Variants in INPP5F observed in about 807,000 individuals in gnomAD.
The protein encoded by INPP5F is phosphatidylinositide 4-phosphatase SAC2.
Under a neutral mutation model 137.2 loss-of-function variants are expected in INPP5F, and 97 were observed. That is an observed-to-expected ratio of 0.71 (90% CI 0.60 to 0.84). The LOEUF (loss-of-function observed/expected upper bound fraction) is 0.84. Ranked by LOEUF, INPP5F falls within the 40% of genes least tolerant of loss-of-function variation. The pLI is 0.00. For missense variants in INPP5F, 1,271 were observed against 1,371.9 expected, an observed-to-expected ratio of 0.93 and a Z score of 1.16; for synonymous variants, 504 against 476.9, an observed-to-expected ratio of 1.06 and a Z score of -0.74.
rs1850403320 is a variant in INPP5F at position 119,796,865 on chromosome 10, C to T, written c.820C>T (p.Pro274Ser). 6.2e-7 allele frequency: 1 copy of T among 1,613,948 alleles called. No individual in the cohort carries two copies. The highest frequency in any genetic ancestry group is 8.5e-7 in the Non-Finnish European group (1 of 1,180,034). The change falls in exon 7 of 20, where the codon CCA (proline) becomes TCA (serine). Residue 274 changes from proline to serine, a missense_variant. Pro to Ser is a moderately conservative substitution (Grantham distance 74, BLOSUM62 -1). This residue lies in a region of INPP5F where 593 missense variants were observed against 712.4 expected (regional missense o/e 0.83). Transcript: ENST00000650623. Reference protein sequence around the residue: ...QESTCVDDIHPRFLVALISRR... With the variant: ...QESTCVDDIHSRFLVALISRR... The stretch of plus-strand genomic sequence containing the variant: ...GTCCACCTGTGTAGATGATATTCAC[C>T]CACGATTTCTAGTGGCTCTCATTTC...
chr10:119,786,546 A>G (rs1266140376), intron 3 of INPP5F, among the ~76,000 whole-genome samples: 1 of 152,338 alleles, frequency 6.6e-6, no homozygotes, highest in East Asian at 1.9e-4. Flanking sequence ...GTTTGCATTT[A>G]TAGTAATCTC....
At chr10:119,801,205 A>G (rs1328258443) in intron 9 of INPP5F, among the ~76,000 whole-genome samples, 2 of 152,238 alleles carry the variant, frequency 1.3e-5, no homozygotes, top group Non-Finnish European at 2.9e-5. Flanking sequence ...ATCCACGTGT[A>G]CTAATGGGAA....
intron 2 of INPP5F, among the ~76,000 whole-genome samples, 193 bp downstream of exon 2, chr10:119,751,349 C>G (rs1848684993): frequency 6.6e-6 from 1 of 152,058 alleles, no homozygotes; most frequent in African/African-American, 2.4e-5. Flanking sequence ...GGAGGAAAGA[C>G]AGGTATCAAA....
rs770635209 is a variant in INPP5F, at chr10:119,751,102, C to G, written c.124C>G (p.Pro42Ala). Residue 42 changes from proline to alanine, a missense_variant, in exon 2 of 20, where the codon CCC (proline) becomes GCC (alanine). Around this residue, in one of 6 missense-constraint regions of INPP5F, gnomAD observed 109 missense variants for 105.1 expected, o/e 1.04. Transcript: ENST00000650623. ...PATDLLLAWNPICLGLVEGVI... is the reference protein window; with the variant it reads ...PATDLLLAWNAICLGLVEGVI... Reference sequence around the variant, plus strand: ...TACTGATCTACTTCTTGCCTGGAATCCCATTTGTTTGGGGTTGGTAGAAGG... The same window carrying G: ...TACTGATCTACTTCTTGCCTGGAATGCCATTTGTTTGGGGTTGGTAGAAGG... 1 of 1,611,026 alleles carries G rather than the reference C, an allele frequency of 6.2e-7. No individual in the cohort carries two copies. Among genetic ancestry groups the G allele is most frequent in the Admixed American group, 1.7e-5 (1 of 60,010 alleles).
intron 9 of INPP5F, among the ~76,000 whole-genome samples, chr10:119,800,294 G>A (rs530746951): frequency 2.0e-5 from 3 of 151,724 alleles, no homozygotes; most frequent in South Asian, 2.1e-4. Context: ...GGTGGCTCAC[G>A]CCTGTAATCC....
intron 2 of INPP5F, among the ~76,000 whole-genome samples, chr10:119,752,043 A>G (rs992120440): frequency 7.9e-5 from 12 of 152,342 alleles, no homozygotes; most frequent in Admixed American, 5.9e-4. Flanking sequence ...AATTGTGAGT[A>G]TATATCTTTA....
In INPP5F at chr10:119,820,929, A is replaced by T; in HGVS notation, c.1958+12A>T. 6.4e-7 allele frequency: 1 copy of T among 1,551,856 alleles called. No individual in the cohort carries two copies. Among genetic ancestry groups the T allele is most frequent in the Non-Finnish European group, 8.9e-7 (1 of 1,124,218 alleles). Reference sequence around the variant, plus strand: ...TACTACGTGGCCTAGTAAGTTGCTTATTGATTTAAAGGTTTTGATTTTGTT... The same window carrying T: ...TACTACGTGGCCTAGTAAGTTGCTTTTTGATTTAAAGGTTTTGATTTTGTT... On this transcript the variant is annotated intron_variant, in intron 16 of 19. Transcript: ENST00000650623.
intron 2 of INPP5F, among the ~76,000 whole-genome samples, chr10:119,776,899 T>C (rs1056397473): frequency 6.6e-6 from 1 of 152,066 alleles, no homozygotes; most frequent in East Asian, 1.9e-4. Context: ...TACAGGCATG[T>C]ACCACCATGC....
rs1224891011 is a variant in INPP5F, at chr10:119,726,237, C to T, written c.-26C>T. The stretch of plus-strand genomic sequence containing the variant: ...GCCCCGTGCGCCGCCCGCGGGCCGC[C>T]GCCTCCCTGGGCGCGCGGGGCCAGC... On this transcript the variant is annotated 5_prime_UTR_variant, in exon 1 of 20. Transcript: ENST00000650623. The T allele has an allele frequency of 5.6e-6, 8 of 1,417,760 alleles. No individual in the cohort carries two copies. The South Asian group carries it at 7.0e-5, about 12-fold the overall frequency. The allele number at this position is 1,417,760 out of a possible 1,614,324, so 87.8% of individuals were successfully genotyped here. A position where few individuals can be genotyped will look rare whatever the true frequency, so the allele number is the denominator to read the frequency against.
At chr10:119,741,350 C>T (rs73355811) in intron 1 of INPP5F, among the ~76,000 whole-genome samples, 1,906 of 152,196 alleles carry the variant, frequency 0.013, 36 homozygotes, top group African/African-American at 0.044. Flanking sequence ...CCTGTTGTCC[C>T]GCTGAGTGGG....
At chr10:119,745,739 CTG>C (rs910363598) in intron 1 of INPP5F, among the ~76,000 whole-genome samples, 2 of 127,560 alleles carry the variant, frequency 1.6e-5, no homozygotes, top group African/African-American at 6.0e-5. Flanking sequence ...AAGCCTCACT[CTG>C]TTAGCCAGGC....
intron 2 of INPP5F, among the ~76,000 whole-genome samples, chr10:119,769,254 G>GGCAA (rs1849265534): frequency 6.6e-6 from 1 of 152,072 alleles, no homozygotes; most frequent in Non-Finnish European, 1.5e-5. Context: ...ACCCCTTAGA[G>GGCAA]GCAAGGTCAT....
chr10:119,813,433 G>A (rs1851124834), intron 15 of INPP5F, among the ~76,000 whole-genome samples: 1 of 152,050 alleles, frequency 6.6e-6, no homozygotes, highest in African/African-American at 2.4e-5. Flanking sequence ...GATCATTTGA[G>A]TCCAGGAGTT....
At chr10:119,815,383 T>G (rs960907832) in intron 15 of INPP5F, 4 of 133,320 alleles carry the variant, frequency 3.0e-5, no homozygotes, top group Non-Finnish European at 6.9e-5. Context: ...CATCCTTATC[T>G]TCTTCCTTGT....
In INPP5F at chr10:119,791,621, T is replaced by A. The variant is rs1415038284; in HGVS notation, c.420T>A (p.Asn140Lys). The change falls in exon 4 of 20, where the codon AAT (asparagine) becomes AAA (lysine). Residue 140 changes from asparagine to lysine, a missense_variant. Transcript: ENST00000650623. ...LLKTFTHIKS[N>K]VSAPNKKKVK... ...AGACCTTTACGCATATTAAATCCAA[T>A]GTGTCTGCTCCTAATAAAAAGAAAG... The A allele has an allele frequency of 6.2e-7, 1 of 1,604,504 alleles. No individual in the cohort carries two copies. The highest frequency in any genetic ancestry group is 8.5e-7 in the Non-Finnish European group (1 of 1,172,098).
intron 8 of INPP5F, 83 bp from the exon 9 acceptor site, chr10:119,798,460 A>T (rs1338956670): frequency 1.4e-5 from 13 of 900,720 alleles, no homozygotes; most frequent in Non-Finnish European, 2.3e-5. Flanking sequence ...TAAATTATTT[A>T]AAAGTAAGAA....
chr10:119,769,633 AG>A (rs1490105422), intron 2 of INPP5F, among the ~76,000 whole-genome samples: 11 of 152,204 alleles, frequency 7.2e-5, no homozygotes, highest in African/African-American at 2.7e-4. Context: ...AGAAGCAAAA[AG>A]GAAGTATGAA....
At chr10:119,755,945 C>A (rs1000416358) in intron 2 of INPP5F, among the ~76,000 whole-genome samples, 3 of 151,864 alleles carry the variant, frequency 2.0e-5, no homozygotes, top group Non-Finnish European at 4.4e-5. Context: ...ATCATGAGGT[C>A]AGGAGTTCGA....
At chr10:119,821,428 A>G (rs1851557192) in intron 16 of INPP5F, among the ~76,000 whole-genome samples, 1 of 152,074 alleles carries the variant, frequency 6.6e-6, no homozygotes, top group Non-Finnish European at 1.5e-5. Context: ...TTGTTGTCAG[A>G]TTGATCTCCA....
Sources: allele counts gnomAD v4.1 joint callset (sites outside exome capture counted in the v4.1 genomes callset), GRCh38; gene constraint gnomAD v4.1.1; regional missense constraint gnomAD v4.1.1; transcripts MANE v1.5; gene names NCBI Gene and HGNC (gene_info 2026-07-23, HGNC 2026-07-21).